The following SEMA6D variants were observed in gnomAD, a reference collection of about 807,000 sequenced individuals.
SEMA6D encodes semaphorin-6D.
Under a neutral mutation model 106.6 loss-of-function variants are expected in SEMA6D, and 35 were observed. The ratio of observed to expected loss-of-function variants is 0.33; its 90% CI spans 0.25 to 0.44. SEMA6D has a LOEUF of 0.44. Ranked by LOEUF, SEMA6D falls within the 20% of genes least tolerant of loss-of-function variation. The pLI, the probability that SEMA6D is intolerant of heterozygous loss-of-function variation, is 1.00. For synonymous variants in SEMA6D, 499 were observed against 487.7 expected, an observed-to-expected ratio of 1.02 and a Z score of -0.31; for missense variants, 1,185 against 1,345.9, an observed-to-expected ratio of 0.88 and a Z score of 1.87.
chr15:47,618,684 G>A (rs1293415204), intron 4 of SEMA6D, among the ~76,000 whole-genome samples: 1 of 152,188 alleles, frequency 6.6e-6, no homozygotes, highest in African/African-American at 2.4e-5. Flanking sequence ...AGGGCAAAAA[G>A]AGGAACATAA....
chr15:47,351,344 A>G (rs150126290), intron 1 of SEMA6D, among the ~76,000 whole-genome samples: 3 of 152,268 alleles, frequency 2.0e-5, no homozygotes, highest in Non-Finnish European at 2.9e-5. Flanking sequence ...TTAATCTAGC[A>G]CTATAATAAG....
chr15:47,770,379 C>A, intron 18 of SEMA6D, 118 bp from the exon 19 acceptor site: 1 of 776,550 alleles, frequency 1.3e-6, no homozygotes, highest in Non-Finnish European at 2.0e-6. Flanking sequence ...TCTACTTGAC[C>A]CTCCGAGCTA....
intron 1 of SEMA6D, among the ~76,000 whole-genome samples, chr15:47,290,567 A>G (rs1409407734): frequency 6.6e-6 from 1 of 152,002 alleles, no homozygotes; most frequent in African/African-American, 2.4e-5. Context: ...TATGTATATC[A>G]CCGGAAATGA....
chr15:47,454,707 T>C (rs1384951046), intron 2 of SEMA6D, among the ~76,000 whole-genome samples: 1 of 151,932 alleles, frequency 6.6e-6, no homozygotes, highest in Non-Finnish European at 1.5e-5. Context: ...AGCAACCTAA[T>C]ATGCCAACTT....
chr15:47,542,554 G>A (rs2045388674), intron 3 of SEMA6D, among the ~76,000 whole-genome samples: 1 of 152,058 alleles, frequency 6.6e-6, no homozygotes, highest in African/African-American at 2.4e-5. Flanking sequence ...GACCTGTTTT[G>A]GCTTAACAAC....
intron 2 of SEMA6D, among the ~76,000 whole-genome samples, chr15:47,462,210 G>A (rs2042535159): frequency 6.6e-6 from 1 of 151,918 alleles, no homozygotes; most frequent in South Asian, 2.1e-4. Context: ...ACTCTTACTT[G>A]GGGTTCTTTT....
chr15:47,234,174 G>T (rs1347039589), intron 1 of SEMA6D, among the ~76,000 whole-genome samples: 1 of 151,976 alleles, frequency 6.6e-6, no homozygotes, highest in Admixed American at 6.6e-5. Flanking sequence ...GCAGTCAAAT[G>T]CAGTCCCAGG....
At position 47,700,913 on chromosome 15, in the gene SEMA6D, G is replaced by GA. The variant is rs368291646; in HGVS notation, c.-54-58825dup. ...ACTGTAACAACTGGATACACACTTG[G>GA]AAAAAAACATTAATCTAGACAGAGA... On this transcript the variant is annotated intron_variant, in intron 4 of 19. Coordinates refer to the SEMA6D transcript ENST00000558014. Among the ~76,000 whole-genome samples the GA allele has an allele frequency of 3.9e-3, 600 of 152,108 alleles. 5 individuals are homozygous for GA. Among genetic ancestry groups the GA allele is most frequent in the African/African-American group, 0.014 (583 of 41,506 alleles).
chr15:47,611,763 C>G (rs995882734), intron 4 of SEMA6D, among the ~76,000 whole-genome samples: 4 of 152,160 alleles, frequency 2.6e-5, no homozygotes, highest in Non-Finnish European at 5.9e-5. Flanking sequence ...GGAAGGAAAG[C>G]TTATCCCATA....
At chr15:47,391,501 A>G (rs1333656921) in intron 1 of SEMA6D, among the ~76,000 whole-genome samples, 1 of 151,986 alleles carries the variant, frequency 6.6e-6, no homozygotes, top group Non-Finnish European at 1.5e-5. Flanking sequence ...AGGAGAGGTG[A>G]CTCTGTCTAA....
chr15:47,464,712 T>C (rs183409755), intron 2 of SEMA6D, among the ~76,000 whole-genome samples: 1 of 152,266 alleles, frequency 6.6e-6, no homozygotes, highest in East Asian at 1.9e-4. Flanking sequence ...TGCACCCTTG[T>C]CAAAATGGAA....
intron 2 of SEMA6D, among the ~76,000 whole-genome samples, chr15:47,417,309 T>C (rs1329733987): frequency 6.6e-6 from 1 of 152,118 alleles, no homozygotes. Context: ...AATCATATTA[T>C]GATTTCATCC....
At chr15:47,330,594 A>G (rs933262383) in intron 1 of SEMA6D, among the ~76,000 whole-genome samples, 1 of 152,212 alleles carries the variant, frequency 6.6e-6, no homozygotes, top group African/African-American at 2.4e-5. Context: ...TAATTCAGCC[A>G]ACATTTATTG....
At chr15:47,283,994 T>C (rs1031214974) in intron 1 of SEMA6D, among the ~76,000 whole-genome samples, 2 of 152,164 alleles carry the variant, frequency 1.3e-5, no homozygotes, top group Admixed American at 1.3e-4. Context: ...TTTGGCTTCC[T>C]TTTTCTGTCA....
At chr15:47,390,254 C>A (rs2039980799) in intron 1 of SEMA6D, among the ~76,000 whole-genome samples, 1 of 152,088 alleles carries the variant, frequency 6.6e-6, no homozygotes, top group East Asian at 1.9e-4. Context: ...TGGTCTTTCA[C>A]CACAGTAACA....
intron 3 of SEMA6D, among the ~76,000 whole-genome samples, chr15:47,593,949 C>A (rs1009467259): frequency 2.0e-5 from 3 of 152,146 alleles, no homozygotes; most frequent in Admixed American, 6.5e-5. Context: ...CTAGTCAGCT[C>A]CCGCCAGACC....
intron 1 of SEMA6D, among the ~76,000 whole-genome samples, chr15:47,318,356 T>A (rs12904043): frequency 7.7e-6 from 1 of 129,170 alleles, no homozygotes; most frequent in Admixed American, 7.9e-5. Context: ...CATGCTGGTG[T>A]GCTGTACCCA....
chr15:47,576,278 A>C (rs752555264), intron 3 of SEMA6D, among the ~76,000 whole-genome samples: 2 of 152,236 alleles, frequency 1.3e-5, no homozygotes, highest in Non-Finnish European at 2.9e-5. Context: ...CCACAGTCCA[A>C]ATGCAGCTGA....
chr15:47,605,948 C>T (rs1041296230), intron 4 of SEMA6D, among the ~76,000 whole-genome samples: 1 of 152,138 alleles, frequency 6.6e-6, no homozygotes, highest in African/African-American at 2.4e-5. Flanking sequence ...TCTCTAACCC[C>T]TTTTCCCTGG....
Sources: allele counts gnomAD v4.1 joint callset (sites outside exome capture counted in the v4.1 genomes callset), GRCh38; gene constraint gnomAD v4.1.1; transcripts MANE v1.5; gene names NCBI Gene and HGNC (gene_info 2026-07-23, HGNC 2026-07-21).